The following NCKAP5 variants were observed in gnomAD, a reference collection of about 807,000 sequenced individuals.
NCKAP5 encodes the protein nck-associated protein 5.
A neutral mutation model predicts 167.0 loss-of-function variants in NCKAP5; 92 were observed. The observed-to-expected ratio is 0.55, with a 90% CI of 0.47 to 0.66. NCKAP5 has a LOEUF of 0.66. NCKAP5 is among the 30% of genes least tolerant of loss of function. The pLI is 0.00. For synonymous variants in NCKAP5, 891 were observed against 877.4 expected, an observed-to-expected ratio of 1.02 and a Z score of -0.27; for missense variants, 2,378 against 2,315.0, an observed-to-expected ratio of 1.03 and a Z score of -0.56.
At chr2:133,038,616 G>A (rs1292776954) in intron 6 of NCKAP5, among the ~76,000 whole-genome samples, 1 of 152,074 alleles carries the variant, frequency 6.6e-6, no homozygotes. Context: ...ATAACCTGAA[G>A]AGTGTAACTG....
chr2:133,234,665 A>G (rs2087311120), intron 4 of NCKAP5, among the ~76,000 whole-genome samples: 1 of 152,148 alleles, frequency 6.6e-6, no homozygotes, highest in South Asian at 2.1e-4. Flanking sequence ...CTATGGGCTA[A>G]ACTGTATGCA....
chr2:133,034,428 C>T (rs982444831), intron 6 of NCKAP5, among the ~76,000 whole-genome samples: 8 of 152,044 alleles, frequency 5.3e-5, no homozygotes, highest in African/African-American at 1.9e-4. Context: ...TCTGAAGGTA[C>T]AAAACTCAAC....
chr2:133,330,792 G>T (rs2150722910), intron 3 of NCKAP5, among the ~76,000 whole-genome samples: 2 of 152,202 alleles, frequency 1.3e-5, no homozygotes, highest in South Asian at 4.2e-4. Flanking sequence ...GCCTACTTGG[G>T]AGGCTGAGGA....
chr2:133,382,507 C>T (rs1686599812), intron 3 of NCKAP5, among the ~76,000 whole-genome samples: 1 of 152,154 alleles, frequency 6.6e-6, no homozygotes, highest in Non-Finnish European at 1.5e-5. Flanking sequence ...CACCCCTTAA[C>T]TCTCTGCACA....
chr2:132,874,077 C>T (rs1445378804), intron 9 of NCKAP5, among the ~76,000 whole-genome samples: 2 of 149,684 alleles, frequency 1.3e-5, no homozygotes, highest in African/African-American at 2.5e-5. Context: ...CAAGTACGAT[C>T]GTCTTCCATT....
intron 4 of NCKAP5, among the ~76,000 whole-genome samples, chr2:133,294,882 C>T (rs981940037): frequency 1.3e-5 from 2 of 151,976 alleles, no homozygotes; most frequent in African/African-American, 4.8e-5. Flanking sequence ...AAGGGATGAG[C>T]CTTAGAGGAT....
chr2:132,873,935 T>C (rs1691044180), intron 9 of NCKAP5, among the ~76,000 whole-genome samples: 1 of 152,066 alleles, frequency 6.6e-6, no homozygotes, highest in Non-Finnish European at 1.5e-5. Context: ...GGGCCGGGAA[T>C]CTGCTGGGTC....
At chr2:133,170,884 A>G (rs1417008774) in intron 5 of NCKAP5, among the ~76,000 whole-genome samples, 2 of 152,082 alleles carry the variant, frequency 1.3e-5, no homozygotes, top group African/African-American at 4.8e-5. Context: ...CCCCAGCAAT[A>G]ACTCGTCTCC....
At chr2:133,499,319 G>A (rs185603743) in intron 3 of NCKAP5, among the ~76,000 whole-genome samples, 9 of 152,098 alleles carry the variant, frequency 5.9e-5, no homozygotes, top group East Asian at 1.9e-4. Context: ...TTACTTGCAC[G>A]TTAAACGTCT....
rs76746507 is a variant in NCKAP5 at position 133,325,689 on chromosome 2, T to A, written c.70-22579A>T. On this transcript the variant is annotated intron_variant, in intron 3 of 19. Coordinates refer to ENST00000409261, the MANE Select transcript of NCKAP5 (RefSeq NM_207363.3). ...CACTCTATCTGCTCCCAGGGTAGAGTTTGTGACCTGAATGAAAGCTAGTTA... is the reference window on the plus strand; with the variant it reads ...CACTCTATCTGCTCCCAGGGTAGAGATTGTGACCTGAATGAAAGCTAGTTA... 1.6e-3 allele frequency among the ~76,000 whole-genome samples: 243 copies of A among 152,200 alleles called. 1 individual carries two copies. The Middle Eastern group carries it at 0.02, about 13-fold the overall frequency.
chr2:132,878,656 GCACGCATACACACACACACA>G, intron 9 of NCKAP5, among the ~76,000 whole-genome samples, 172 bp downstream of exon 9: 1 of 44,886 alleles, frequency 2.2e-5, no homozygotes, highest in Admixed American at 2.2e-4. Flanking sequence ...ACACACACAC[GCACGCATACACACACACACA>G]CCGCCCACAC....
intron 3 of NCKAP5, among the ~76,000 whole-genome samples, chr2:133,325,526 G>C (rs1682374520): frequency 6.6e-6 from 1 of 152,124 alleles, no homozygotes; most frequent in African/African-American, 2.4e-5. Flanking sequence ...TGCATCTCTA[G>C]TTTCTACAGC....
intron 6 of NCKAP5, among the ~76,000 whole-genome samples, chr2:133,070,086 T>C (rs2080337382): frequency 6.6e-6 from 1 of 152,146 alleles, no homozygotes; most frequent in Non-Finnish European, 1.5e-5. Flanking sequence ...CTTGGCAAAC[T>C]CTGGAACTGA....
At position 132,878,871 on chromosome 2, in the gene NCKAP5, G is replaced by T. The variant is rs186998842; in HGVS notation, c.625C>A (p.Gln209Lys). Residue 209 changes from glutamine to lysine, a missense_variant, in exon 9 of 20, where the codon CAA (glutamine) becomes AAA (lysine). Coordinates refer to ENST00000409261, the MANE Select transcript of NCKAP5 (RefSeq NM_207363.3). Reference protein sequence around the residue: ...LALENENQREQYERCLDEVAN... With the variant: ...LALENENQREKYERCLDEVAN... ...ACCTCATCAAGACATCGCTCATATT[G>T]TTCCCTTTGATTTTCATTCTCCAAA... 3 of 1,613,572 alleles carry T rather than the reference G, an allele frequency of 1.9e-6. No individual in the cohort carries two copies. The highest frequency in any genetic ancestry group is 1.7e-5 in the Admixed American group (1 of 60,018).
At position 132,707,178 on chromosome 2, in the gene NCKAP5, G is replaced by A. The variant is rs144368540; in HGVS notation, c.5713+18449C>T. ...CTCCTCCCCATCCCCTGGCAGGTGC[G>A]TTGTGTGGAGAATCCACACTCTTGG... On this transcript the variant is annotated intron_variant, in intron 19 of 19. Coordinates refer to ENST00000409261, the MANE Select transcript of NCKAP5 (RefSeq NM_207363.3). Among the ~76,000 whole-genome samples, 42 of 152,320 alleles carry A rather than the reference G, an allele frequency of 2.8e-4. No individual in the cohort carries two copies. The East Asian group carries it at 7.5e-3, about 27-fold the overall frequency.
chr2:132,711,832 C>G (rs1323272845), intron 19 of NCKAP5, among the ~76,000 whole-genome samples: 4 of 152,142 alleles, frequency 2.6e-5, no homozygotes, highest in Non-Finnish European at 5.9e-5. Flanking sequence ...CCCTTCCTTC[C>G]TTCTCCATTG....
intron 3 of NCKAP5, among the ~76,000 whole-genome samples, chr2:133,486,769 T>C (rs1197623652): frequency 6.6e-6 from 1 of 152,200 alleles, no homozygotes; most frequent in Non-Finnish European, 1.5e-5. Flanking sequence ...TCAGGCATTA[T>C]GAGGAGCTGT....
At chr2:132,697,511 C>T (rs1362090444) in intron 19 of NCKAP5, among the ~76,000 whole-genome samples, 1 of 151,998 alleles carries the variant, frequency 6.6e-6, no homozygotes, top group African/African-American at 2.4e-5. Flanking sequence ...ACTTGGGGAA[C>T]ATTAACATAA....
chr2:133,549,996 G>C (rs1687137492), intron 2 of NCKAP5, among the ~76,000 whole-genome samples: 1 of 151,160 alleles, frequency 6.6e-6, no homozygotes, highest in South Asian at 2.1e-4. Flanking sequence ...AGAAAATCTA[G>C]AAGAAATGGA....
Sources: allele counts gnomAD v4.1 joint callset (sites outside exome capture counted in the v4.1 genomes callset), GRCh38; gene constraint gnomAD v4.1.1; transcripts MANE v1.5; gene names NCBI Gene and HGNC (gene_info 2026-07-23, HGNC 2026-07-21).